Variants in MATCAP2 observed in about 807,000 individuals in gnomAD.
MATCAP2 encodes the protein putative tyrosine carboxypeptidase MATCAP2.
At chr7:36,334,549 A>G in the MATCAP2 span, among the ~76,000 whole-genome samples, 1 of 151,202 alleles carries the variant, frequency 6.6e-6, no homozygotes, top group Admixed American at 6.6e-5. Context: ...AAAAAAAAAA[A>G]AAAAAAAAAA....
At chr7:36,378,532 C>T in the MATCAP2 span, among the ~76,000 whole-genome samples, 1 of 152,234 alleles carries the variant, frequency 6.6e-6, no homozygotes, top group Non-Finnish European at 1.5e-5. Context: ...GAGATGTCTC[C>T]TAGTTAGGCT....
the MATCAP2 span, chr7:36,356,606 A>C: frequency 1.9e-6 from 1 of 537,144 alleles, no homozygotes; most frequent in African/African-American, 1.9e-5. Context: ...TAAATTGGCC[A>C]CAAGTTTGTA....
chr7:36,357,012 TCA>T, the MATCAP2 span: 4 of 1,614,128 alleles, frequency 2.5e-6, no homozygotes, highest in Non-Finnish European at 3.4e-6. Flanking sequence ...TTGAAGAATC[TCA>T]GTTTTTCTTT....
the MATCAP2 span, among the ~76,000 whole-genome samples, chr7:36,336,604 AGGG>A: frequency 6.6e-6 from 1 of 152,034 alleles, no homozygotes; most frequent in Non-Finnish European, 1.5e-5. Flanking sequence ...AGCTGGGGAG[AGGG>A]GCTCCTGGCT....
the MATCAP2 span, among the ~76,000 whole-genome samples, chr7:36,352,396 T>TAAAAAAA: frequency 9.4e-6 from 1 of 106,202 alleles, no homozygotes; most frequent in South Asian, 3.4e-4. Context: ...GACTCCATCT[T>TAAAAAAA]AAAAAAAAAA....
chr7:36,328,237 T>TGTGG, the MATCAP2 span, among the ~76,000 whole-genome samples: 4 of 11,282 alleles, frequency 3.5e-4, no homozygotes, highest in Non-Finnish European at 7.9e-4. Flanking sequence ...TTTTTGTTTT[T>TGTGG]GTAGGGGGGG....
chr7:36,363,152 G>A, the MATCAP2 span, among the ~76,000 whole-genome samples: 3 of 152,178 alleles, frequency 2.0e-5, no homozygotes, highest in Non-Finnish European at 2.9e-5. Flanking sequence ...TAGTGATGTT[G>A]AAGACAACAT....
chr7:36,357,412 C>CT, the MATCAP2 span: 2 of 1,614,094 alleles, frequency 1.2e-6, no homozygotes, highest in Non-Finnish European at 1.7e-6. Context: ...GTGAATGATA[C>CT]TTTTTTTCCT....
the MATCAP2 span, among the ~76,000 whole-genome samples, chr7:36,328,800 C>T: frequency 8.6e-5 from 13 of 151,884 alleles, no homozygotes; most frequent in Non-Finnish European, 1.8e-4. Context: ...AATCCTAGCA[C>T]TTTGGGAGGC....
chr7:36,360,797 C>T, the MATCAP2 span, among the ~76,000 whole-genome samples: 1 of 152,166 alleles, frequency 6.6e-6, no homozygotes, highest in South Asian at 2.1e-4. Context: ...AAAGAACATC[C>T]TATTCTCTGA....
chr7:36,376,283 ATGTTGTGTCTT>A, the MATCAP2 span, among the ~76,000 whole-genome samples: 1 of 152,194 alleles, frequency 6.6e-6, no homozygotes, highest in African/African-American at 2.4e-5. Flanking sequence ...AGATTCTGGT[ATGTTGTGTCTT>A]TGTTCTCACT....
the MATCAP2 span, chr7:36,383,979 T>G: frequency 2.4e-6 from 2 of 849,302 alleles, no homozygotes; most frequent in African/African-American, 1.8e-5. Context: ...GAATTAAGTA[T>G]AAATAGTCTA....
At chr7:36,366,498 T>G in the MATCAP2 span, among the ~76,000 whole-genome samples, 23 of 152,202 alleles carry the variant, frequency 1.5e-4, no homozygotes, top group African/African-American at 5.3e-4. Context: ...CACACACAAA[T>G]ATACACAGTA....
the MATCAP2 span, among the ~76,000 whole-genome samples, chr7:36,340,468 T>C: frequency 6.6e-6 from 1 of 152,222 alleles, no homozygotes; most frequent in Non-Finnish European, 1.5e-5. Flanking sequence ...CTTTGTTTCA[T>C]CTTGACTTGC....
At chr7:36,347,433 T>G in the MATCAP2 span, among the ~76,000 whole-genome samples, 2 of 152,160 alleles carry the variant, frequency 1.3e-5, no homozygotes, top group Non-Finnish European at 2.9e-5. Flanking sequence ...GACACCAGTA[T>G]GATAGGGGGT....
At chr7:36,336,163 GCAGC>G in the MATCAP2 span, 1 of 1,535,166 alleles carries the variant, frequency 6.5e-7, no homozygotes. Flanking sequence ...CCTCCCCTAG[GCAGC>G]CTTCCTTCAT....
chr7:36,334,219 C>T, the MATCAP2 span: 1 of 1,418,438 alleles, frequency 7.1e-7, no homozygotes, highest in Non-Finnish European at 9.7e-7. Context: ...TTTAATTCTT[C>T]CCCCAAAGTT....
chr7:36,358,683 C>A, the MATCAP2 span, among the ~76,000 whole-genome samples: 2 of 152,046 alleles, frequency 1.3e-5, no homozygotes, highest in Non-Finnish European at 2.9e-5. Context: ...TTTCATTCAA[C>A]AAATACGTAG....
At chr7:36,324,544 A>G in the MATCAP2 span, 1 of 152,194 alleles carries the variant, frequency 6.6e-6, no homozygotes, top group African/African-American at 2.4e-5. Flanking sequence ...TCTCCTAAGT[A>G]CTGTTGCTAT....
Sources: gnomAD v4.1 joint callset for allele counts (sites outside exome capture counted in the v4.1 genomes callset) on GRCh38, gnomAD v4.1.1 for gene constraint, MANE v1.5 for transcripts, NCBI Gene and HGNC (gene_info 2026-07-23, HGNC 2026-07-21) for gene names.